The following CFAP92 variants were observed in gnomAD, a reference collection of about 807,000 sequenced individuals.
CFAP92 encodes the protein cilia and flagella associated protein 92 (putative), also known as uncharacterized protein CFAP92.
In CFAP92, 86 loss-of-function variants were observed where a neutral mutation model predicts 106.3. The ratio of observed to expected loss-of-function variants is 0.81; its 90% CI spans 0.68 to 0.97. CFAP92 has a LOEUF of 0.97. Ranked by LOEUF, CFAP92 falls within the 50% of genes least tolerant of loss-of-function variation. The pLI is 0.00. For missense variants in CFAP92, 1,204 were observed against 1,283.8 expected (o/e 0.94, Z 0.95); for synonymous variants, 477 against 506.4 (o/e 0.94, Z 0.78).
chr3:128,966,108 ACCTGTGCTAT>A (rs1311876859), intron 8 of CFAP92, among the ~76,000 whole-genome samples: 2 of 152,196 alleles, frequency 1.3e-5, no homozygotes, highest in Non-Finnish European at 2.9e-5. Context: ...AACGTTCTAA[ACCTGTGCTAT>A]CCACTATGGT....
chr3:129,022,548 C>A, the CFAP92 span, among the ~76,000 whole-genome samples: 1 of 152,320 alleles, frequency 6.6e-6, no homozygotes, highest in South Asian at 2.1e-4. Context: ...CAGCCTCCAG[C>A]AGGAGGAAGA....
chr3:128,931,881 C>T (rs1055805101), intron 12 of CFAP92, among the ~76,000 whole-genome samples: 8 of 151,838 alleles, frequency 5.3e-5, no homozygotes, highest in Non-Finnish European at 1.5e-5. Flanking sequence ...AAAAAATTAA[C>T]CAGGTGTGGT....
At chr3:128,966,133 A>T (rs554479732) in intron 8 of CFAP92, among the ~76,000 whole-genome samples, 1 of 152,328 alleles carries the variant, frequency 6.6e-6, no homozygotes, top group East Asian at 1.9e-4. Flanking sequence ...TATGGTAGCT[A>T]TGGGCCATAG....
At chr3:129,025,003 G>A in the CFAP92 span, among the ~76,000 whole-genome samples, 39 of 152,162 alleles carry the variant, frequency 2.6e-4, no homozygotes, top group African/African-American at 8.0e-4. Flanking sequence ...ACACTTCACT[G>A]AGGGAGGGAG....
chr3:128,979,892 C>T (rs1297648367), intron 4 of CFAP92, among the ~76,000 whole-genome samples: 1 of 148,446 alleles, frequency 6.7e-6, no homozygotes, highest in African/African-American at 2.5e-5. Context: ...CACATGTATA[C>T]ATATGTAACA....
At chr3:128,947,144 TC>T (rs766034444) in intron 9 of CFAP92, among the ~76,000 whole-genome samples, 3 of 150,608 alleles carry the variant, frequency 2.0e-5, no homozygotes, top group Admixed American at 6.6e-5. Flanking sequence ...TCCCTAGGTG[TC>T]CCCCCAGTGG....
At chr3:128,928,379 GAAC>G (rs2107698157) in intron 12 of CFAP92, among the ~76,000 whole-genome samples, 1 of 152,266 alleles carries the variant, frequency 6.6e-6, no homozygotes, top group East Asian at 1.9e-4. Flanking sequence ...TTTTGAAAAA[GAAC>G]AAAGTTAAAG....
At chr3:128,913,789 C>G (rs937756532) in intron 15 of CFAP92, among the ~76,000 whole-genome samples, 1 of 151,850 alleles carries the variant, frequency 6.6e-6, no homozygotes. Context: ...CTCAGTGAAA[C>G]CTGAAGTTCT....
intron 10 of CFAP92, among the ~76,000 whole-genome samples, chr3:128,943,920 G>GTTTTTTTTTTTTTTTT (rs768570835): frequency 1.8e-5 from 2 of 110,134 alleles, no homozygotes; most frequent in African/African-American, 3.8e-5. Flanking sequence ...TATTTCCCCC[G>GTTTTTTTTTTTTTTTT]TTTTTTTTTT....
At chr3:129,017,989 G>C in the CFAP92 span, among the ~76,000 whole-genome samples, 1 of 152,210 alleles carries the variant, frequency 6.6e-6, no homozygotes, top group Admixed American at 6.5e-5. Flanking sequence ...GCTGCTCATT[G>C]AAGCAAGAAA....
chr3:128,967,236 C>T (rs937782581), intron 8 of CFAP92: 1 of 152,206 alleles, frequency 6.6e-6, no homozygotes, highest in African/African-American at 2.4e-5. Flanking sequence ...TAAAACAAGT[C>T]CCGGGCCAGG....
the CFAP92 span, among the ~76,000 whole-genome samples, chr3:129,026,718 T>C: frequency 5.9e-5 from 9 of 152,112 alleles, no homozygotes; most frequent in Non-Finnish European, 1.0e-4. Context: ...CAGGCTGTAG[T>C]CTGGAGCCTG....
At chr3:128,928,570 T>C (rs1156657620) in intron 12 of CFAP92, among the ~76,000 whole-genome samples, 2 of 152,196 alleles carry the variant, frequency 1.3e-5, no homozygotes, top group African/African-American at 2.4e-5. Context: ...GAATAGCTAG[T>C]CTTTGCAAGA....
At chr3:129,011,915 T>C in the CFAP92 span, among the ~76,000 whole-genome samples, 1 of 152,140 alleles carries the variant, frequency 6.6e-6, no homozygotes, top group East Asian at 1.9e-4. Context: ...GGAAGGAGCC[T>C]AGACAGGGAT....
chr3:129,020,110 T>C, the CFAP92 span, among the ~76,000 whole-genome samples: 1 of 152,134 alleles, frequency 6.6e-6, no homozygotes, highest in African/African-American at 2.4e-5. Context: ...GGTTACCATA[T>C]TGGACGATGC....
intron 12 of CFAP92, among the ~76,000 whole-genome samples, chr3:128,928,185 C>A (rs1348405206): frequency 1.3e-5 from 2 of 151,486 alleles, no homozygotes; most frequent in Non-Finnish European, 1.5e-5. Flanking sequence ...CCTGGGAGGC[C>A]AAGCTTGCAG....
At chr3:129,014,057 C>T in the CFAP92 span, among the ~76,000 whole-genome samples, 1 of 152,230 alleles carries the variant, frequency 6.6e-6, no homozygotes, top group African/African-American at 2.4e-5. This position sits in a 1 kb window ranked among gnomAD's most constrained non-coding sequence, Gnocchi z 4.3. Flanking sequence ...CAGACAGAGT[C>T]TTCAGGCTCT....
intron 12 of CFAP92, among the ~76,000 whole-genome samples, chr3:128,928,991 C>T (rs1273560119): frequency 6.6e-6 from 1 of 152,174 alleles, no homozygotes. Context: ...GGCACAGTGA[C>T]TCATAACTGT....
At chr3:128,965,173 C>T (rs952288571) in intron 9 of CFAP92, among the ~76,000 whole-genome samples, 1 of 152,150 alleles carries the variant, frequency 6.6e-6, no homozygotes, top group Non-Finnish European at 1.5e-5. Flanking sequence ...GTAATTCTCC[C>T]CACTCTTGAG....
Sources: gnomAD v4.1 joint callset for allele counts (sites outside exome capture counted in the v4.1 genomes callset) on GRCh38, gnomAD v4.1.1 for gene constraint, Gnocchi (gnomAD v3.1) non-coding constraint, MANE v1.5 for transcripts, NCBI Gene and HGNC (gene_info 2026-07-23, HGNC 2026-07-21) for gene names.